The following DNM3 variants were observed in gnomAD, a reference collection of about 807,000 sequenced individuals.
DNM3 encodes the protein dynamin 3.
In DNM3, 47 loss-of-function variants were observed where a neutral mutation model predicts 101.6. The ratio of observed to expected loss-of-function variants is 0.46; its 90% CI spans 0.37 to 0.59. DNM3 has a LOEUF of 0.59. Among genes scored for constraint, DNM3 ranks in the 20% least tolerant of loss-of-function variants. The probability of loss-of-function intolerance (pLI) is 0.00; values close to 1 mark genes in which losing one functional copy is unlikely to be tolerated. For synonymous variants in DNM3, 385 were observed against 387.9 expected, an observed-to-expected ratio of 0.99 and a Z score of 0.09; for missense variants, 849 against 1,085.7, an observed-to-expected ratio of 0.78 and a Z score of 3.06.
intron 4 of DNM3, among the ~76,000 whole-genome samples, chr1:171,999,287 T>C (rs2046217598): frequency 6.6e-6 from 1 of 152,118 alleles, no homozygotes. Context: ...TGATAGACTT[T>C]ACTAATGGTT....
At position 171,966,931 on chromosome 1, in the gene DNM3, A is replaced by G. The variant is rs540893191; in HGVS notation, c.236-20725A>G. On this transcript the variant is annotated intron_variant, in intron 2 of 20. Coordinates refer to ENST00000627582, the MANE Select transcript of DNM3 (RefSeq NM_015569.5). ...GCCTTCTGTTCAGTCATTGAGTCGTAGTTTTCTGGGTTGTAAATCAGAGTT... is the reference window on the plus strand; with the variant it reads ...GCCTTCTGTTCAGTCATTGAGTCGTGGTTTTCTGGGTTGTAAATCAGAGTT... Among the ~76,000 whole-genome samples the G allele has an allele frequency of 4.6e-5, 7 of 152,318 alleles. No individual in the cohort carries two copies. In the South Asian group the frequency reaches 1.4e-3, roughly 32 times the overall value.
chr1:171,977,163 A>G (rs557534069), intron 2 of DNM3, among the ~76,000 whole-genome samples: 6 of 152,344 alleles, frequency 3.9e-5, no homozygotes, highest in African/African-American at 1.4e-4. Flanking sequence ...TGATATTTTC[A>G]GTTTCTAAAC....
intron 15 of DNM3, among the ~76,000 whole-genome samples, chr1:172,302,224 C>T (rs1456336213): frequency 2.6e-5 from 4 of 152,362 alleles, no homozygotes; most frequent in South Asian, 2.1e-4. Flanking sequence ...TTATATCCCA[C>T]GCCTGGCTCA....
chr1:172,332,056 G>A (rs1019235827), intron 17 of DNM3, among the ~76,000 whole-genome samples: 2 of 152,102 alleles, frequency 1.3e-5, no homozygotes, highest in Non-Finnish European at 2.9e-5. Flanking sequence ...AGCTTATTGG[G>A]TCTTAGACAA....
At position 172,247,608 on chromosome 1, in the gene DNM3, C is replaced by T. The variant is rs150838553; in HGVS notation, c.1660-5965C>T. 9.9e-5 allele frequency among the ~76,000 whole-genome samples: 15 copies of T among 151,678 alleles called. No individual in the cohort carries two copies. The East Asian group carries it at 1.4e-3, about 14-fold the overall frequency. On this transcript the variant is annotated intron_variant, in intron 14 of 20. Coordinates refer to ENST00000627582, the MANE Select transcript of DNM3 (RefSeq NM_015569.5). Reference sequence around the variant, plus strand: ...TAAAAAACATATTTGGTGCCATTAGCGGCTTTTTCGTATGTTAATATTTCT... The same window carrying T: ...TAAAAAACATATTTGGTGCCATTAGTGGCTTTTTCGTATGTTAATATTTCT...
chr1:172,239,814 T>TTTC (rs2061684080), intron 14 of DNM3, among the ~76,000 whole-genome samples: 1 of 144,358 alleles, frequency 6.9e-6, no homozygotes. Flanking sequence ...TTTTTTTTTT[T>TTTC]TTTTTTGTAG....
At chr1:172,391,105 G>T (rs1272859173) in intron 20 of DNM3, among the ~76,000 whole-genome samples, 1 of 152,208 alleles carries the variant, frequency 6.6e-6, no homozygotes. Context: ...GGGCAGCAGG[G>T]CTTAATGAGA....
At chr1:172,090,347 G>A (rs2053823240) in intron 12 of DNM3, among the ~76,000 whole-genome samples, 1 of 152,170 alleles carries the variant, frequency 6.6e-6, no homozygotes, top group African/African-American at 2.4e-5. Context: ...GTAAGGAGGA[G>A]ATCCGAAGCC....
intron 2 of DNM3, among the ~76,000 whole-genome samples, chr1:171,983,203 C>A (rs554737052): frequency 2.0e-5 from 3 of 152,134 alleles, no homozygotes; most frequent in South Asian, 4.1e-4. Flanking sequence ...TCCTATAATC[C>A]CAGCACTTTC....
At chr1:172,100,843 A>C (rs1216672360) in intron 13 of DNM3, among the ~76,000 whole-genome samples, 1 of 152,058 alleles carries the variant, frequency 6.6e-6, no homozygotes, top group Non-Finnish European at 1.5e-5. Context: ...GCCCCAACGG[A>C]CTGCAAGATG....
intron 14 of DNM3, among the ~76,000 whole-genome samples, chr1:172,179,682 G>A (rs1408234614): frequency 6.6e-6 from 1 of 151,408 alleles, no homozygotes; most frequent in Non-Finnish European, 1.5e-5. Flanking sequence ...ATTTAATTCT[G>A]GACTTATTTT....
In DNM3 at chr1:172,373,085, TTAAA is replaced by T. The variant is rs549995116; in HGVS notation, c.1894-5930_1894-5927del. ...TCTATTCTAAAAGTGTTTATATGGA[TTAAA>T]TAGACATAAACAATTGGCAGAGGAA... On this transcript the variant is annotated intron_variant, in intron 17 of 20. Transcript: ENST00000627582. 3.9e-4 allele frequency among the ~76,000 whole-genome samples: 60 copies of T among 152,172 alleles called. 1 individual carries two copies. Among genetic ancestry groups the T allele is most frequent in the Non-Finnish European group, 7.8e-4 (53 of 67,980 alleles).
At chr1:172,207,658 T>C (rs1270460672) in intron 14 of DNM3, among the ~76,000 whole-genome samples, 1 of 152,096 alleles carries the variant, frequency 6.6e-6, no homozygotes, top group African/African-American at 2.4e-5. Flanking sequence ...GTGAGTTTTC[T>C]TGTTTCTTTG....
At chr1:171,921,471 G>A (rs895696573) in intron 1 of DNM3, among the ~76,000 whole-genome samples, 4 of 152,014 alleles carry the variant, frequency 2.6e-5, no homozygotes, top group East Asian at 3.9e-4. Context: ...CAGAAACTAA[G>A]GGCAAACTTT....
intron 2 of DNM3, among the ~76,000 whole-genome samples, chr1:171,963,478 A>G (rs910154367): frequency 2.0e-5 from 3 of 152,194 alleles, no homozygotes; most frequent in African/African-American, 7.2e-5. Flanking sequence ...CCCATAGAAT[A>G]TACAACACCA....
At chr1:171,929,022 GCTGGAGACC>G (rs1457894844) in intron 2 of DNM3, among the ~76,000 whole-genome samples, 1 of 152,134 alleles carries the variant, frequency 6.6e-6, no homozygotes, top group Non-Finnish European at 1.5e-5. Context: ...GTAGGAGGTG[GCTGGAGACC>G]CTGGTTGGGA....
intron 13 of DNM3, among the ~76,000 whole-genome samples, chr1:172,122,491 G>T (rs1278412917): frequency 6.6e-6 from 1 of 152,138 alleles, no homozygotes; most frequent in African/African-American, 2.4e-5. Flanking sequence ...GCCAATCCCA[G>T]GTAGTCTGAC....
At chr1:172,302,332 T>C (rs1268197949) in intron 15 of DNM3, among the ~76,000 whole-genome samples, 1 of 152,188 alleles carries the variant, frequency 6.6e-6, no homozygotes, top group African/African-American at 2.4e-5. Flanking sequence ...GTGTCCCCCA[T>C]TGCTGAAACT....
chr1:171,901,110 C>G (rs113944361), intron 1 of DNM3, among the ~76,000 whole-genome samples: 1 of 110,224 alleles, frequency 9.1e-6, no homozygotes. Flanking sequence ...GAGACTCTGT[C>G]TCAAAAAAAA....
Sources: gnomAD v4.1 joint callset for allele counts (sites outside exome capture counted in the v4.1 genomes callset) on GRCh38, gnomAD v4.1.1 for gene constraint, MANE v1.5 for transcripts, NCBI Gene and HGNC (gene_info 2026-07-23, HGNC 2026-07-21) for gene names.